Variants in CSF2RA observed in about 807,000 individuals in gnomAD.
The protein encoded by CSF2RA is granulocyte-macrophage colony-stimulating factor receptor subunit alpha.
In CSF2RA, 42 loss-of-function variants were observed where a neutral mutation model predicts 51.6. The ratio of observed to expected loss-of-function variants is 0.81; its 90% CI spans 0.64 to 1.05. The LOEUF (loss-of-function observed/expected upper bound fraction) is 1.05, where lower values mean the gene tolerates loss of function less well. CSF2RA is among the 50% of genes least tolerant of loss of function. CSF2RA has a pLI of 0.00. For missense variants in CSF2RA, 530 were observed against 501.1 expected (o/e 1.06, Z -0.55); for synonymous variants, 222 against 193.0 (o/e 1.15, Z -1.24).
downstream of CSF2RA, among the ~76,000 whole-genome samples, chrX:1,314,831 CG>C: frequency 1.2e-5 from 1 of 85,488 alleles, no homozygotes; most frequent in African/African-American, 4.3e-5. Flanking sequence ...CCTGCCCAAC[CG>C]CACTGCACCT....
chrX:1,301,851 C>G (rs1471613201), intron 10 of CSF2RA, among the ~76,000 whole-genome samples: 1 of 151,060 alleles, frequency 6.6e-6, no homozygotes, highest in Non-Finnish European at 1.5e-5. Context: ...CGTGATCCGC[C>G]CACCTCGGCC....
rs1200790932 is a variant in CSF2RA, at chrX:1,283,155, GTTCCTTCCTTCGTTCC to G, written c.76+388_76+403del. Among the ~76,000 whole-genome samples the G allele has an allele frequency of 1.6e-3, 112 of 68,138 alleles. No individual in the cohort carries two copies. In the East Asian group the frequency reaches 0.061, roughly 37 times the overall value. The allele number at this position is 68,138 out of a possible 152,430, so 44.7% of individuals were successfully genotyped here. Reference sequence around the variant, plus strand: ...CCTTCCTTCCTTCCTTCCTTCCTTCGTTCCTTCCTTCGTTCCTTCCTTCCTTCCTTCCTTCCTTCCC... The same window carrying G: ...CCTTCCTTCCTTCCTTCCTTCCTTCGTTCCTTCCTTCCTTCCTTCCTTCCC... On this transcript the variant is annotated intron_variant, in intron 3 of 12. Transcript: ENST00000381529.
At chrX:1,275,088 CAAA>C (rs59502193) in intron 2 of CSF2RA, among the ~76,000 whole-genome samples, 2 of 118,408 alleles carry the variant, frequency 1.7e-5, no homozygotes. Flanking sequence ...ATGAACCTGT[CAAA>C]AAAAAAAAAA....
chrX:1,272,315 C>T (rs2148016177), intron 1 of CSF2RA, among the ~76,000 whole-genome samples: 1 of 149,766 alleles, frequency 6.7e-6, no homozygotes, highest in African/African-American at 2.5e-5. Context: ...CTCCACCCCA[C>T]AATGAGGTTC....
chrX:1,300,859 A>G (rs1220585182), intron 10 of CSF2RA, among the ~76,000 whole-genome samples: 2 of 152,116 alleles, frequency 1.3e-5, no homozygotes, highest in African/African-American at 2.4e-5. Flanking sequence ...GGCTCCCTTA[A>G]TAACCAGAGA....
At chrX:1,324,153 C>T in the CSF2RA span, among the ~76,000 whole-genome samples, 1 of 151,642 alleles carries the variant, frequency 6.6e-6, no homozygotes, top group Non-Finnish European at 1.5e-5. Context: ...CCGCTGCACT[C>T]CAGCCTGGGT....
At chrX:1,309,177 T>C (rs1254392191) in intron 12 of CSF2RA, among the ~76,000 whole-genome samples, 1 of 152,004 alleles carries the variant, frequency 6.6e-6, no homozygotes, top group Non-Finnish European at 1.5e-5. Context: ...GTCAAATTTG[T>C]GGTGGCGGGC....
chrX:1,314,877 AC>A (rs2084471357), downstream of CSF2RA, among the ~76,000 whole-genome samples: 2 of 67,398 alleles, frequency 3.0e-5, 1 homozygote, highest in African/African-American at 1.1e-4. Flanking sequence ...ACCGCACTGC[AC>A]CTGCCCAACC....
chrX:1,312,833 C>T (rs1193454223), downstream of CSF2RA, among the ~76,000 whole-genome samples: 3 of 152,098 alleles, frequency 2.0e-5, no homozygotes, highest in Non-Finnish European at 2.9e-5. Flanking sequence ...GGAGATTTGA[C>T]GATGGAGCAG....
intron 3 of CSF2RA, 70 bp downstream of exon 3, chrX:1,282,849 C>A (rs1312496888): frequency 4.9e-5 from 62 of 1,277,240 alleles, no homozygotes; most frequent in Middle Eastern, 1.9e-4. Flanking sequence ...GGAGACCCAT[C>A]TGGATACCTG....
Position 1,305,097 on chromosome X carries a change from A to C in CSF2RA, c.1044-349A>C, listed in dbSNP as rs1169982674. Among the ~76,000 whole-genome samples, 16 of 141,390 alleles carry C rather than the reference A, an allele frequency of 1.1e-4. No individual in the cohort carries two copies. The East Asian group carries it at 1.3e-3, about 11-fold the overall frequency. The allele number at this position is 141,390 out of a possible 152,430, so 92.8% of individuals were successfully genotyped here. On this transcript the variant is annotated intron_variant, in intron 11 of 12. Transcript: ENST00000381529. Reference sequence around the variant, plus strand: ...CAACCTCCACCTCCCAGGTTCAAGCAATTCTCCTGCCTCAGCCTCCTGAAT... The same window carrying C: ...CAACCTCCACCTCCCAGGTTCAAGCCATTCTCCTGCCTCAGCCTCCTGAAT...
At chrX:1,278,698 A>AAT (rs1556497849) in intron 2 of CSF2RA, among the ~76,000 whole-genome samples, 20 of 147,400 alleles carry the variant, frequency 1.4e-4, no homozygotes, top group Non-Finnish European at 1.5e-4. Flanking sequence ...AAAAAAAAAA[A>AAT]TTCAGGGCAA....
the CSF2RA span, among the ~76,000 whole-genome samples, chrX:1,316,267 TA>T: frequency 1.5e-5 from 1 of 66,168 alleles, no homozygotes; most frequent in Non-Finnish European, 3.2e-5. Context: ...AGATGATAGA[TA>T]GATAGATAGA....
chrX:1,323,284 C>T, the CSF2RA span, among the ~76,000 whole-genome samples: 9 of 151,718 alleles, frequency 5.9e-5, no homozygotes, highest in South Asian at 2.1e-4. Flanking sequence ...GAGGCCGAGG[C>T]GGGCGGATCA....
chrX:1,314,536 C>T (rs1449453998), downstream of CSF2RA, among the ~76,000 whole-genome samples: 2 of 118,754 alleles, frequency 1.7e-5, no homozygotes, highest in African/African-American at 3.5e-5. Flanking sequence ...TCCCACTGCA[C>T]CTGCCCAATC....
chrX:1,273,490 T>G (rs1381531774), intron 1 of CSF2RA, among the ~76,000 whole-genome samples: 1 of 150,922 alleles, frequency 6.6e-6, no homozygotes, highest in Non-Finnish European at 1.5e-5. Context: ...AATTGTTTTT[T>G]GTTTTTTGTT....
At chrX:1,289,959 G>GT (rs1452660935) in intron 6 of CSF2RA, among the ~76,000 whole-genome samples, 3 of 92,462 alleles carry the variant, frequency 3.2e-5, no homozygotes, top group African/African-American at 1.2e-4. Flanking sequence ...TTTGTTTTGT[G>GT]TTTGTTTTTG....
At chrX:1,307,351 C>T (rs1202439590) in intron 12 of CSF2RA, among the ~76,000 whole-genome samples, 1 of 151,966 alleles carries the variant, frequency 6.6e-6, no homozygotes, top group Non-Finnish European at 1.5e-5. Context: ...CACCCTTCCC[C>T]CTTTACACCT....
At chrX:1,317,602 C>CTG in the CSF2RA span, among the ~76,000 whole-genome samples, 1 of 144,622 alleles carries the variant, frequency 6.9e-6, no homozygotes, top group African/African-American at 2.6e-5. Flanking sequence ...GAGTCTTGCT[C>CTG]TTGTCACCCA....
Sources: allele counts gnomAD v4.1 joint callset (sites outside exome capture counted in the v4.1 genomes callset), GRCh38; gene constraint gnomAD v4.1.1; transcripts MANE v1.5; gene names NCBI Gene and HGNC (gene_info 2026-07-23, HGNC 2026-07-21).